The following SLITRK3 variants were observed in gnomAD, a reference collection of about 807,000 sequenced individuals.
The protein encoded by SLITRK3 is SLIT and NTRK like family member 3.
Under a neutral mutation model 63.6 loss-of-function variants are expected in SLITRK3, and 16 were observed. The ratio of observed to expected loss-of-function variants is 0.25; its 90% CI spans 0.17 to 0.38. The LOEUF (loss-of-function observed/expected upper bound fraction) is 0.38. Among genes scored for constraint, SLITRK3 ranks in the 10% least tolerant of loss-of-function variants. SLITRK3 has a pLI of 1.00. For synonymous variants in SLITRK3, 547 were observed against 451.6 expected (o/e 1.21, Z -2.68); for missense variants, 1,117 against 1,181.4 (o/e 0.95, Z 0.80).
At position 165,188,232 on chromosome 3, in the gene SLITRK3, C is replaced by A. The variant is rs148053357; in HGVS notation, c.2599G>T (p.Gly867Cys). The change falls in exon 2 of 2, where the codon GGT becomes TGT. Residue 867 changes from glycine (G) to cysteine (C), a missense_variant. Physicochemically the swap from Gly to Cys is radical, Grantham distance 159 (BLOSUM62 -3). Around this residue, in one of 4 missense-constraint regions of SLITRK3, gnomAD observed 499 missense variants for 463.6 expected, o/e 1.08. Transcript: ENST00000475390. ...LAGFRHHEKN[G>C]GVVLFPPGGG... ...CCAGGAGGAAACAGCACCACCCCAC[C>A]ATTTTTCTCATGGTGGCGGAACCCT... 114 of 1,613,662 alleles carry A rather than the reference C, an allele frequency of 7.1e-5. No individual in the cohort carries two copies. The African/African-American group carries it at 1.1e-3, about 16-fold the overall frequency.
rs540822976 is a variant in SLITRK3 at position 165,189,557 on chromosome 3, C to A, written c.1274G>T (p.Arg425Leu). ...GGAAGAAAAATTCCAAAAATCAGAACGGTATATTTTCTGAATCAGATTGCT... is the reference window on the plus strand; with the variant it reads ...GGAAGAAAAATTCCAAAAATCAGAAAGGTATATTTTCTGAATCAGATTGCT... ...LSSNLIQKIY[R>L]SDFWNFSSLD... Residue 425 changes from arginine (R) to leucine (L), a missense_variant, in exon 2 of 2, where the codon CGT (arginine) becomes CTT (leucine). Physicochemically the swap from Arg to Leu is moderately radical, Grantham distance 102 (BLOSUM62 -2). Coordinates refer to ENST00000475390, the MANE Select transcript of SLITRK3 (RefSeq NM_001318810.2). The surrounding 1 kb of genome is among the most constrained non-coding windows in gnomAD (Gnocchi z 4.0). 1.2e-6 allele frequency: 2 copies of A among 1,614,044 alleles called. No homozygotes were observed. The highest frequency in any genetic ancestry group is 1.6e-4 in the Middle Eastern group (1 of 6,062).
rs952452385 is a variant in SLITRK3, at chr3:165,189,430, A to G, written c.1401T>C (p.Asp467=). ...ACATGCCTGGTGTCAGCTTCTCTAT[A>G]TCGTTGCCATTAAGGAAGAGGCTCT... ...NLKSLFLNGN[D]IEKLTPGMFR... Residue 467 remains aspartate, a synonymous_variant, in exon 2 of 2, where the codon GAT becomes GAC. Transcript: ENST00000475390. The surrounding 1 kb of genome is among the most constrained non-coding windows in gnomAD (Gnocchi z 4.0). 1 of 1,613,182 alleles carries G rather than the reference A, an allele frequency of 6.2e-7. No homozygotes were observed. Among genetic ancestry groups the G allele is most frequent in the East Asian group, 2.2e-5 (1 of 44,884 alleles).
chr3:165,196,897 G>GTCCCTCTCTCTCTCTCTC (rs1718450079), upstream of SLITRK3: 1 of 96,474 alleles, frequency 1.0e-5, no homozygotes, highest in South Asian at 4.5e-4. Flanking sequence ...CTCTCTCTCT[G>GTCCCTCTCTCTCTCTCTC]TCTCTCTCTC....
chr3:165,187,872 G>T lies in SLITRK3; in HGVS notation c.*25C>A. On this transcript the variant is annotated 3_prime_UTR_variant, in exon 2 of 2. Transcript: ENST00000475390. The stretch of plus-strand genomic sequence containing the variant: ...TTCCTTTTCTTTTGAAAAAAAAAAA[G>T]CACTAATATATTTTCTTCTCTCTGT... 1.3e-6 allele frequency: 2 copies of T among 1,483,384 alleles called. No individual in the cohort carries two copies. Among genetic ancestry groups the T allele is most frequent in the Non-Finnish European group, 1.8e-6 (2 of 1,094,698 alleles). The allele number at this position is 1,483,384 out of a possible 1,614,324, so 91.9% of individuals were successfully genotyped here. A position where few individuals can be genotyped will look rare whatever the true frequency, so the allele number is the denominator to read the frequency against.
Position 165,186,931 on chromosome 3 carries a change from A to ATT in SLITRK3, c.*964_*965dup, listed in dbSNP as rs957660935. ...TATATACCCAGTTGCTTTTTTTAAT[A>ATT]TTATATATATATATAAGAAAGTGCA... On this transcript the variant is annotated 3_prime_UTR_variant, in exon 2 of 2. Coordinates refer to ENST00000475390, the MANE Select transcript of SLITRK3 (RefSeq NM_001318810.2). The ATT allele has an allele frequency of 9.9e-5, 15 of 152,114 alleles. No individual in the cohort carries two copies. Among genetic ancestry groups the ATT allele is most frequent in the African/African-American group, 3.6e-4 (15 of 41,324 alleles). The allele number at this position is 152,114 out of a possible 1,614,324, so 9.4% of individuals were successfully genotyped here.
chr3:165,187,950 G>T lies in SLITRK3; in HGVS notation c.2881C>A (p.Gln961Lys). The change falls in exon 2 of 2, where the codon CAA becomes AAA. Residue 961 changes from glutamine to lysine, a missense_variant. Coordinates refer to ENST00000475390, the MANE Select transcript of SLITRK3 (RefSeq NM_001318810.2). Reference sequence around the variant, plus strand: ...ACTTCGAGGTAATCCGGCTTGGTTTGAAGTTTGGCCCTTAACTCGAGGTAA... The same window carrying T: ...ACTTCGAGGTAATCCGGCTTGGTTTTAAGTTTGGCCCTTAACTCGAGGTAA... ...SDYLELRAKL[Q>K]TKPDYLEVLE... The T allele has an allele frequency of 1.2e-6, 2 of 1,613,802 alleles. No individual in the cohort carries two copies. Among genetic ancestry groups the T allele is most frequent in the South Asian group, 2.2e-5 (2 of 91,052 alleles).
intron 1 of SLITRK3, among the ~76,000 whole-genome samples, chr3:165,194,622 C>G (rs1718353579): frequency 6.6e-6 from 1 of 152,102 alleles, no homozygotes; most frequent in Admixed American, 6.5e-5. Context: ...GCACCCTCCC[C>G]CCCATCCCCC....
chr3:165,192,898 TGG>T (rs1349703883), intron 1 of SLITRK3, among the ~76,000 whole-genome samples: 1 of 152,004 alleles, frequency 6.6e-6, no homozygotes, highest in Non-Finnish European at 1.5e-5. Flanking sequence ...CACTGGGCAC[TGG>T]GAGGAAGCAC....
At chr3:165,191,935 C>A (rs1718243776) in intron 1 of SLITRK3, among the ~76,000 whole-genome samples, 1 of 152,174 alleles carries the variant, frequency 6.6e-6, no homozygotes, top group Non-Finnish European at 1.5e-5. Flanking sequence ...GTGCACTATT[C>A]TGATAACAGT....
chr3:165,195,412 A>G (rs1718381283), intron 1 of SLITRK3, among the ~76,000 whole-genome samples, 168 bp downstream of exon 1: 1 of 152,112 alleles, frequency 6.6e-6, no homozygotes, highest in African/African-American at 2.4e-5. Context: ...TCCTTCCACC[A>G]ACGTCCTTAC....
In SLITRK3 at chr3:165,189,110, T is replaced by A; in HGVS notation, c.1721A>T (p.Lys574Ile). Residue 574 changes from lysine to isoleucine, a missense_variant, in exon 2 of 2, where the codon AAA becomes ATA. Physicochemically the swap from Lys to Ile is moderately radical, Grantham distance 102 (BLOSUM62 -3). This residue lies in a region of SLITRK3 where 158 missense variants were observed against 197.2 expected (regional missense o/e 0.80). Coordinates refer to ENST00000475390, the MANE Select transcript of SLITRK3 (RefSeq NM_001318810.2). The surrounding 1 kb of genome is among the most constrained non-coding windows in gnomAD (Gnocchi z 4.0). Reference sequence around the variant, plus strand: ...TGAGCTGATGGTTTCGATCCACTGTTTAAAGGGGACCAGGTCACAGGTGCA... The same window carrying A: ...TGAGCTGATGGTTTCGATCCACTGTATAAAGGGGACCAGGTCACAGGTGCA... ...WDCTCDLVPF[K>I]QWIETISSVS... 6.2e-7 allele frequency: 1 copy of A among 1,614,130 alleles called. No individual in the cohort carries two copies. Among genetic ancestry groups the A allele is most frequent in the Non-Finnish European group, 8.5e-7 (1 of 1,180,010 alleles).
intron 1 of SLITRK3, among the ~76,000 whole-genome samples, chr3:165,193,109 G>A (rs943913813): frequency 4.4e-5 from 2 of 45,000 alleles, no homozygotes; most frequent in Non-Finnish European, 1.5e-4. Context: ...TTGAGTGAGT[G>A]TGTGTGTGTG....
chr3:165,187,805 T>G lies in SLITRK3; in HGVS notation c.*92A>C. The G allele has an allele frequency of 1.9e-6, 2 of 1,069,010 alleles. No individual in the cohort carries two copies. The highest frequency in any genetic ancestry group is 2.7e-6 in the Non-Finnish European group (2 of 735,222). The allele number at this position is 1,069,010 out of a possible 1,614,324, so 66.2% of individuals were successfully genotyped here. A position where few individuals can be genotyped will look rare whatever the true frequency, so the allele number is the denominator to read the frequency against. On this transcript the variant is annotated 3_prime_UTR_variant, in exon 2 of 2. Transcript: ENST00000475390. ...GGAAAGATCGTGAGGATGGAGTTAC[T>G]GGGACAAGTGTAAAGGGAGCAAGGG...
rs748092792 is a variant in SLITRK3, at chr3:165,190,391, C to G, written c.440G>C (p.Gly147Ala). The change falls in exon 2 of 2, where the codon GGC becomes GCC. Residue 147 changes from glycine (G) to alanine (A), a missense_variant. Gly to Ala is a moderately conservative substitution (Grantham distance 60). Transcript: ENST00000475390. ...LDVFRNDTFL[G>A]LESLEYLQAD... ...CTGCAGATATTCTAGACTTTCCAAGCCAAGGAAGGTGTCATTTCTGAAGAC... is the reference window on the plus strand; with the variant it reads ...CTGCAGATATTCTAGACTTTCCAAGGCAAGGAAGGTGTCATTTCTGAAGAC... 1 of 1,613,982 alleles carries G rather than the reference C, an allele frequency of 6.2e-7. No individual in the cohort carries two copies. Among genetic ancestry groups the G allele is most frequent in the East Asian group, 2.2e-5 (1 of 44,868 alleles).
rs777508955 is a variant in SLITRK3, at chr3:165,190,618, C to T, written c.213G>A (p.Gln71=). The T allele has an allele frequency of 2.2e-5, 35 of 1,613,816 alleles. No individual in the cohort carries two copies. The highest frequency in any genetic ancestry group is 2.8e-5 in the Non-Finnish European group (33 of 1,179,946). ...AAGGTCTTGACCAGAACTCGGTAAT[C>T]TGACTAATATTTGTAAATCCTTTAC... is the stretch of plus-strand genomic sequence containing the variant. The part of the protein sequence containing the change: ...CDSKGFTNIS[Q]ITEFWSRPFK... The change falls in exon 2 of 2, where the codon CAG becomes CAA. Residue 71 remains glutamine (Q), a synonymous_variant. Coordinates refer to ENST00000475390, the MANE Select transcript of SLITRK3 (RefSeq NM_001318810.2).
At position 165,188,693 on chromosome 3, in the gene SLITRK3, C is replaced by T. The variant is rs71302515; in HGVS notation, c.2138G>A (p.Gly713Glu). The T allele has an allele frequency of 3.1e-6, 5 of 1,614,130 alleles. No individual in the cohort carries two copies. The East Asian group carries it at 1.1e-4, about 36-fold the overall frequency. The change falls in exon 2 of 2, where the codon GGA (glycine) becomes GAA (glutamate). Residue 713 changes from glycine to glutamate, a missense_variant. Physicochemically the swap from Gly to Glu is moderately conservative, Grantham distance 98. This residue lies in a region of SLITRK3 where 499 missense variants were observed against 463.6 expected (regional missense o/e 1.08). Coordinates refer to ENST00000475390, the MANE Select transcript of SLITRK3 (RefSeq NM_001318810.2). ...MQCHRLFEDGGGGGGGSGGGG... is the reference protein window; with the variant it reads ...MQCHRLFEDGEGGGGGSGGGG... ...ACCCCCACTTCCGCCACCACCACCT[C>T]CACCATCCTCAAACAGCCTGTGGCA...
intron 1 of SLITRK3, among the ~76,000 whole-genome samples, chr3:165,194,544 A>G (rs1226965642): frequency 2.0e-5 from 3 of 152,150 alleles, no homozygotes. Context: ...GCCAAGAAGT[A>G]AACCAATACC....
intron 1 of SLITRK3, among the ~76,000 whole-genome samples, chr3:165,193,799 GC>G (rs1308033810): frequency 3.3e-5 from 5 of 152,052 alleles, no homozygotes; most frequent in Non-Finnish European, 7.4e-5. Context: ...GGATTTGGAT[GC>G]TTTTGTCCGT....
In SLITRK3 at chr3:165,188,909, G is replaced by A; in HGVS notation, c.1922C>T (p.Pro641Leu). The change falls in exon 2 of 2, where the codon CCT becomes CTT. Residue 641 changes from proline to leucine, a missense_variant. By Grantham distance (98) the Pro-to-Leu change is moderately conservative. Coordinates refer to ENST00000475390, the MANE Select transcript of SLITRK3 (RefSeq NM_001318810.2). The stretch of plus-strand genomic sequence containing the variant: ...GCCCCCAGGAGGAGAAAACTCATAA[G>A]GTGATGCACTGGTTGGTGCCCCAAT... ...HLIGAPTSAS[P>L]YEFSPPGGPV... The A allele has an allele frequency of 1.2e-6, 2 of 1,614,112 alleles. No homozygotes were observed. The highest frequency in any genetic ancestry group is 1.7e-6 in the Non-Finnish European group (2 of 1,180,002).
Sources: allele counts gnomAD v4.1 joint callset (sites outside exome capture counted in the v4.1 genomes callset), GRCh38; gene constraint gnomAD v4.1.1; regional missense constraint gnomAD v4.1.1; non-coding constraint Gnocchi (gnomAD v3.1); transcripts MANE v1.5; gene names NCBI Gene and HGNC (gene_info 2026-07-23, HGNC 2026-07-21).